CSMD1: variants seen among roughly 807,000 people sequenced by gnomAD.
CSMD1 encodes CUB and Sushi multiple domains 1.
Under a neutral mutation model 417.5 loss-of-function variants are expected in CSMD1, and 213 were observed. The ratio of observed to expected loss-of-function variants is 0.51; its 90% CI spans 0.46 to 0.57. CSMD1 has a LOEUF of 0.57. Among genes scored for constraint, CSMD1 ranks in the 20% least tolerant of loss-of-function variants. CSMD1 has a pLI of 0.00. For synonymous variants in CSMD1, 2,862 were observed against 1,736.8 expected (o/e 1.65, Z -16.11); for missense variants, 6,923 against 4,529.7 (o/e 1.53, Z -15.17).
chr8:3,656,439 T>C (rs962664802), intron 7 of CSMD1, among the ~76,000 whole-genome samples: 2 of 152,320 alleles, frequency 1.3e-5, no homozygotes, highest in Middle Eastern at 3.4e-3. Context: ...CTTATCTTTG[T>C]GAGAGTGAAA....
At chr8:4,421,669 G>GTT (rs1349574763) in intron 2 of CSMD1, among the ~76,000 whole-genome samples, 1 of 151,934 alleles carries the variant, frequency 6.6e-6, no homozygotes, top group Non-Finnish European at 1.5e-5. Context: ...ATTAAACTTT[G>GTT]TAAGACTCAG....
chr8:3,037,145 G>GA (rs529571471), intron 50 of CSMD1, among the ~76,000 whole-genome samples: 2 of 152,120 alleles, frequency 1.3e-5, no homozygotes, highest in Non-Finnish European at 2.9e-5. Flanking sequence ...CCCTGCACAA[G>GA]ACATTATTTC....
At chr8:4,854,186 G>A (rs184092969) in intron 1 of CSMD1, among the ~76,000 whole-genome samples, 3 of 152,236 alleles carry the variant, frequency 2.0e-5, no homozygotes, top group African/African-American at 7.2e-5. Flanking sequence ...ATGTGAGAAG[G>A]GCATGAGATT....
chr8:3,714,240 A>C (rs1343701995), intron 6 of CSMD1, among the ~76,000 whole-genome samples: 6 of 150,712 alleles, frequency 4.0e-5, no homozygotes, highest in Non-Finnish European at 2.9e-5. Context: ...AATGTCAGAC[A>C]TACTATTGTT....
chr8:4,275,727 G>C lies in CSMD1; in HGVS notation c.415+144226C>G, dbSNP rs949567973. 1.6e-4 allele frequency among the ~76,000 whole-genome samples: 25 copies of C among 152,250 alleles called. No homozygotes were observed. The East Asian group carries it at 4.8e-3, about 29-fold the overall frequency. ...CTCAGTGTGATTCCATTCACAATGA[G>C]TATAACTTTACACACACCTGTGCAA... On this transcript the variant is annotated intron_variant, in intron 3 of 69. Transcript: ENST00000635120.
At chr8:3,178,744 A>G (rs942601778) in intron 37 of CSMD1, among the ~76,000 whole-genome samples, 7 of 151,990 alleles carry the variant, frequency 4.6e-5, no homozygotes, top group African/African-American at 1.7e-4. Context: ...TTTTTTTTCC[A>G]TTTTTATTTC....
intron 5 of CSMD1, among the ~76,000 whole-genome samples, chr8:3,930,396 A>G (rs552869341): frequency 4.0e-5 from 6 of 150,688 alleles, no homozygotes; most frequent in Non-Finnish European, 7.4e-5. Context: ...TAGCCCTGGC[A>G]TGCTTATACT....
intron 7 of CSMD1, among the ~76,000 whole-genome samples, chr8:3,707,424 C>T (rs892036093): frequency 6.6e-6 from 1 of 152,108 alleles, no homozygotes. Flanking sequence ...CAGAGCAAGG[C>T]TAGAAACATC....
intron 3 of CSMD1, among the ~76,000 whole-genome samples, chr8:4,072,263 T>A (rs1252345764): frequency 6.6e-6 from 1 of 152,210 alleles, no homozygotes; most frequent in East Asian, 1.9e-4. Context: ...AGGAGTTTAT[T>A]TGGCCATCCT....
intron 10 of CSMD1, among the ~76,000 whole-genome samples, chr8:3,519,205 G>A (rs961456623): frequency 6.6e-6 from 1 of 152,016 alleles, no homozygotes; most frequent in South Asian, 2.1e-4. Flanking sequence ...ATCACTGAAG[G>A]GCAAAATTAC....
At chr8:4,397,913 G>T (rs969056604) in intron 3 of CSMD1, among the ~76,000 whole-genome samples, 1 of 152,008 alleles carries the variant, frequency 6.6e-6, no homozygotes, top group Non-Finnish European at 1.5e-5. Flanking sequence ...ACAATTTTAA[G>T]CTTGTTCTTT....
chr8:4,844,353 C>A (rs911983327), intron 1 of CSMD1, among the ~76,000 whole-genome samples: 5 of 152,070 alleles, frequency 3.3e-5, no homozygotes, highest in African/African-American at 1.2e-4. Flanking sequence ...CAGAAAAGAT[C>A]ACTGGGAAAA....
chr8:3,774,003 T>C (rs1036799241), intron 5 of CSMD1, among the ~76,000 whole-genome samples: 7 of 152,204 alleles, frequency 4.6e-5, no homozygotes, highest in African/African-American at 1.7e-4. Context: ...ATTCTTTTAC[T>C]TACACAGTTG....
At chr8:3,695,288 T>C (rs896672977) in intron 7 of CSMD1, among the ~76,000 whole-genome samples, 3 of 152,160 alleles carry the variant, frequency 2.0e-5, no homozygotes, top group South Asian at 2.1e-4. Flanking sequence ...AGTGCCGCGA[T>C]GCAGAATTTG....
At chr8:3,845,873 A>T (rs1803469987) in intron 5 of CSMD1, among the ~76,000 whole-genome samples, 1 of 151,884 alleles carries the variant, frequency 6.6e-6, no homozygotes, top group Admixed American at 6.6e-5. Context: ...AAAAATGAAG[A>T]CACAAACACA....
chr8:4,806,995 G>C (rs942335845), intron 1 of CSMD1, among the ~76,000 whole-genome samples: 50 of 152,218 alleles, frequency 3.3e-4, no homozygotes, highest in African/African-American at 1.2e-3. Flanking sequence ...CACATACAAA[G>C]ACTAACTTCA....
intron 3 of CSMD1, among the ~76,000 whole-genome samples, chr8:4,279,488 G>A (rs553214892): frequency 1.1e-3 from 167 of 152,238 alleles, no homozygotes; most frequent in African/African-American, 3.9e-3. Flanking sequence ...TTCATGAGCA[G>A]GAATACTGAC....
chr8:4,417,891 C>G (rs899566237), intron 3 of CSMD1, among the ~76,000 whole-genome samples: 2 of 151,906 alleles, frequency 1.3e-5, no homozygotes, highest in East Asian at 1.9e-4. Flanking sequence ...TAATAGTTGT[C>G]TAAAGTTTAT....
At chr8:4,403,162 T>C in intron 3 of CSMD1, among the ~76,000 whole-genome samples, 1 of 152,286 alleles carries the variant, frequency 6.6e-6, no homozygotes, top group South Asian at 2.1e-4. Context: ...GCTTCCACTT[T>C]TACATAAGAC....
Sources: allele counts gnomAD v4.1 joint callset (sites outside exome capture counted in the v4.1 genomes callset), GRCh38; gene constraint gnomAD v4.1.1; transcripts MANE v1.5; gene names NCBI Gene and HGNC (gene_info 2026-07-23, HGNC 2026-07-21).